Variants in ADCY8 observed in about 807,000 individuals in gnomAD.
ADCY8 encodes the protein adenylate cyclase 8.
ADCY8 carries 51 observed loss-of-function variants against 119.7 expected under a neutral mutation model. The observed-to-expected ratio is 0.43, with a 90% confidence interval of 0.34 to 0.54. The LOEUF is 0.54. ADCY8 is among the 20% of genes least tolerant of loss of function. The pLI is 0.03. For synonymous variants in ADCY8, 665 were observed against 651.0 expected (o/e 1.02, Z -0.33); for missense variants, 1,383 against 1,598.8 (o/e 0.87, Z 2.30).
chr8:130,940,592 A>G (rs570161022), intron 4 of ADCY8, among the ~76,000 whole-genome samples: 1 of 152,184 alleles, frequency 6.6e-6, no homozygotes, highest in Non-Finnish European at 1.5e-5. Context: ...CAATTTGCAG[A>G]CACATTTTTC....
At chr8:130,803,384 C>A (rs1815843310) in intron 14 of ADCY8, among the ~76,000 whole-genome samples, 1 of 152,210 alleles carries the variant, frequency 6.6e-6, no homozygotes, top group African/African-American at 2.4e-5. Flanking sequence ...TCTTAACATC[C>A]ATTTCTTCCT....
intron 5 of ADCY8, among the ~76,000 whole-genome samples, chr8:130,921,445 T>C (rs537146793): frequency 8.4e-4 from 101 of 120,000 alleles, no homozygotes; most frequent in African/African-American, 8.6e-4. Context: ...TTTCTTTTTC[T>C]TTTCTTTTTT....
intron 1 of ADCY8, among the ~76,000 whole-genome samples, chr8:131,035,525 G>A (rs1586673922): frequency 6.6e-6 from 1 of 152,214 alleles, no homozygotes; most frequent in Middle Eastern, 3.4e-3. Context: ...ATCCACAGTG[G>A]AAAGCAAATG....
chr8:130,851,417 T>C (rs1267006480), intron 9 of ADCY8, among the ~76,000 whole-genome samples: 3 of 151,890 alleles, frequency 2.0e-5, no homozygotes, highest in Non-Finnish European at 2.9e-5. Context: ...TAGGAAAGAG[T>C]GGGGAGCATG....
chr8:130,810,609 C>G (rs918166800), intron 14 of ADCY8, among the ~76,000 whole-genome samples: 2 of 152,176 alleles, frequency 1.3e-5, no homozygotes, highest in African/African-American at 4.8e-5. Flanking sequence ...TCTCAATTGC[C>G]TATTTCAGTA....
chr8:130,936,481 C>A (rs1704852400), intron 5 of ADCY8, among the ~76,000 whole-genome samples: 1 of 152,184 alleles, frequency 6.6e-6, no homozygotes, highest in South Asian at 2.1e-4. Context: ...TGTCACTACT[C>A]TTTCCACCCC....
chr8:130,792,672 C>G (rs892125846), intron 15 of ADCY8, among the ~76,000 whole-genome samples: 1 of 152,188 alleles, frequency 6.6e-6, no homozygotes, highest in African/African-American at 2.4e-5. Context: ...CTCATCACCT[C>G]CTTGGTCCTA....
In ADCY8 at chr8:130,937,505, G is replaced by A. The variant is rs553666604; in HGVS notation, c.1354-305C>T. 4.6e-5 allele frequency among the ~76,000 whole-genome samples: 7 copies of A among 152,238 alleles called. No homozygotes were observed. The South Asian group carries it at 1.5e-3, about 32-fold the overall frequency. On this transcript the variant is annotated intron_variant, in intron 4 of 17. Coordinates refer to ENST00000286355, the MANE Select transcript of ADCY8 (RefSeq NM_001115.3). ...GGTCTGCACACCTGTCACTTGGTCA[G>A]GCCTGACAGAGTGCTCATAGTATCT...
At chr8:130,943,497 G>GGGGGGGGCCCC in intron 3 of ADCY8, 35 bp from the exon 4 acceptor site, 1 of 491,348 alleles carries the variant, frequency 2.0e-6, no homozygotes, top group Non-Finnish European at 4.2e-6. Context: ...GTGGGGGGAG[G>GGGGGGGGCCCC]AAGTATATTA....
At chr8:130,852,561 G>A (rs1817568257) in intron 9 of ADCY8, among the ~76,000 whole-genome samples, 1 of 152,102 alleles carries the variant, frequency 6.6e-6, no homozygotes, top group Admixed American at 6.5e-5. Context: ...GGAAACCAAC[G>A]AGTATAAAAA....
At chr8:130,968,016 A>G (rs1260268532) in intron 2 of ADCY8, among the ~76,000 whole-genome samples, 3 of 152,172 alleles carry the variant, frequency 2.0e-5, no homozygotes, top group Non-Finnish European at 2.9e-5. Context: ...ACAGTGTGAT[A>G]TGTTCTTGTA....
At chr8:130,905,800 T>A (rs1819764522) in intron 6 of ADCY8, among the ~76,000 whole-genome samples, 1 of 152,092 alleles carries the variant, frequency 6.6e-6, no homozygotes, top group African/African-American at 2.4e-5. Context: ...GTTGAAGCTA[T>A]AGTGAGCCGA....
At chr8:130,903,715 G>C (rs1819683279) in intron 7 of ADCY8, 57 bp downstream of exon 7, 2 of 1,578,590 alleles carry the variant, frequency 1.3e-6, no homozygotes, top group East Asian at 4.5e-5. Context: ...TGTCTGGATT[G>C]GAGATGCACA....
intron 5 of ADCY8, among the ~76,000 whole-genome samples, chr8:130,916,028 T>C (rs1324509294): frequency 6.6e-6 from 1 of 152,176 alleles, no homozygotes; most frequent in Non-Finnish European, 1.5e-5. Flanking sequence ...AGCTATGGAA[T>C]CATCTTCATA....
chr8:131,022,936 C>A (rs1823718540), intron 1 of ADCY8, among the ~76,000 whole-genome samples: 1 of 152,072 alleles, frequency 6.6e-6, no homozygotes, highest in Non-Finnish European at 1.5e-5. Context: ...TTTAAATGAC[C>A]ACTCAGCATG....
At chr8:130,958,463 T>G (rs1266614336) in intron 2 of ADCY8, among the ~76,000 whole-genome samples, 2 of 152,296 alleles carry the variant, frequency 1.3e-5, no homozygotes, top group East Asian at 3.9e-4. Context: ...CTTCTCACGC[T>G]GCTAATGAAG....
chr8:130,928,099 C>T lies in ADCY8; in HGVS notation c.1481+8974G>A, dbSNP rs77251056. Reference sequence around the variant, plus strand: ...GCTTGGGGGAGGTCAATTTGAAGAACCAAAGCAGTCACCTGTGGCTGCCGA... The same window carrying T: ...GCTTGGGGGAGGTCAATTTGAAGAATCAAAGCAGTCACCTGTGGCTGCCGA... On this transcript the variant is annotated intron_variant, in intron 5 of 17. Coordinates refer to ENST00000286355, the MANE Select transcript of ADCY8 (RefSeq NM_001115.3). 2.2e-3 allele frequency among the ~76,000 whole-genome samples: 336 copies of T among 152,162 alleles called. 3 individuals carry two copies. The highest frequency in any genetic ancestry group is 7.8e-3 in the African/African-American group (324 of 41,522).
intron 9 of ADCY8, among the ~76,000 whole-genome samples, chr8:130,863,954 T>C (rs886093651): frequency 6.6e-6 from 1 of 152,336 alleles, no homozygotes; most frequent in East Asian, 1.9e-4. Context: ...AAGTTTCTAA[T>C]CTACATTATT....
intron 2 of ADCY8, among the ~76,000 whole-genome samples, chr8:130,960,754 G>A (rs1489876139): frequency 6.6e-6 from 1 of 152,076 alleles, no homozygotes. Flanking sequence ...GATTCTATCA[G>A]TGAACAAATC....
Sources: allele counts gnomAD v4.1 joint callset (sites outside exome capture counted in the v4.1 genomes callset), GRCh38; gene constraint gnomAD v4.1.1; transcripts MANE v1.5; gene names NCBI Gene and HGNC (gene_info 2026-07-23, HGNC 2026-07-21).